The following SATB2 variants were observed in gnomAD, a reference collection of about 807,000 sequenced individuals.
SATB2 encodes SATB homeobox 2.
In SATB2, 1 loss-of-function variant was observed where a neutral mutation model predicts 73.4. The ratio of observed to expected loss-of-function variants is 0.01; its 90% CI spans 0.00 to 0.06. The LOEUF is 0.06. Ranked by LOEUF, SATB2 falls within the 10% of genes least tolerant of loss-of-function variation. The pLI, the probability that SATB2 is intolerant of heterozygous loss-of-function variation, is 1.00. For synonymous variants in SATB2, 397 were observed against 367.0 expected (o/e 1.08, Z -0.93); for missense variants, 459 against 945.8 (o/e 0.49, Z 6.75).
chr2:199,339,834 G>C (rs1043378655), intron 7 of SATB2, among the ~76,000 whole-genome samples: 4 of 152,176 alleles, frequency 2.6e-5, no homozygotes, highest in Non-Finnish European at 5.9e-5. Context: ...TAAAAGAGAA[G>C]TTTCTACTCC....
chr2:199,285,006 G>T (rs1273557189), intron 10 of SATB2, among the ~76,000 whole-genome samples: 1 of 152,064 alleles, frequency 6.6e-6, no homozygotes, highest in African/African-American at 2.4e-5. Flanking sequence ...CATGAATTTT[G>T]TTATCTGCAA....
intron 3 of SATB2, among the ~76,000 whole-genome samples, chr2:199,429,744 T>C (rs1691443745): frequency 6.6e-6 from 1 of 152,002 alleles, no homozygotes; most frequent in South Asian, 2.1e-4. Context: ...ACCCCATCTT[T>C]ACTAAAAATA....
At chr2:199,294,943 T>C (rs1692984117) in intron 10 of SATB2, among the ~76,000 whole-genome samples, 1 of 152,202 alleles carries the variant, frequency 6.6e-6, no homozygotes, top group Non-Finnish European at 1.5e-5. Context: ...GAGTTTATCA[T>C]ATCTAAAAAA....
intron 7 of SATB2, among the ~76,000 whole-genome samples, chr2:199,344,566 T>C (rs1204849573): frequency 6.6e-6 from 1 of 152,096 alleles, no homozygotes; most frequent in African/African-American, 2.4e-5. Context: ...GAACAAGAGA[T>C]TTTTACCTCT....
intron 9 of SATB2, among the ~76,000 whole-genome samples, chr2:199,321,025 C>T (rs963373685): frequency 6.6e-6 from 1 of 151,946 alleles, no homozygotes; most frequent in South Asian, 2.1e-4. Flanking sequence ...AAGGGAAAGC[C>T]CTTGCATTTG....
At chr2:199,376,527 T>C (rs950066253) in intron 5 of SATB2, among the ~76,000 whole-genome samples, 2 of 152,144 alleles carry the variant, frequency 1.3e-5, no homozygotes, top group East Asian at 3.9e-4. Context: ...TAGTGGGTAA[T>C]GGACGGGGAT....
At chr2:199,466,016 C>T (rs565664122), upstream of SATB2, among the ~76,000 whole-genome samples, 6 of 152,350 alleles carry the variant, frequency 3.9e-5, no homozygotes, top group African/African-American at 7.2e-5. Context: ...GACAACTTTT[C>T]CTTTCCACTT....
upstream of SATB2, among the ~76,000 whole-genome samples, chr2:199,469,286 T>C (rs1482903188): frequency 6.6e-6 from 1 of 152,118 alleles, no homozygotes; most frequent in Non-Finnish European, 1.5e-5. Context: ...GCCGCAGAAT[T>C]ACCTGCTCAA....
At chr2:199,348,453 T>C in intron 7 of SATB2, 1 of 505,598 alleles carries the variant, frequency 2.0e-6, no homozygotes, top group South Asian at 2.1e-5. Context: ...TTAGTAACAT[T>C]TGGGGTCCTG....
intron 3 of SATB2, among the ~76,000 whole-genome samples, chr2:199,424,870 G>A (rs1191758872): frequency 6.6e-6 from 1 of 152,114 alleles, no homozygotes; most frequent in Non-Finnish European, 1.5e-5. Context: ...TATATCAATG[G>A]ACAAGTTTAA....
intron 2 of SATB2, among the ~76,000 whole-genome samples, chr2:199,451,091 AACACACAC>A (rs56071011): frequency 3.2e-4 from 44 of 139,292 alleles, no homozygotes; most frequent in African/African-American, 4.8e-4. Context: ...ATGTAGTTCC[AACACACAC>A]ACACACACAC....
chr2:199,385,464 C>T (rs879735092), intron 3 of SATB2, among the ~76,000 whole-genome samples: 8 of 152,212 alleles, frequency 5.3e-5, no homozygotes, highest in African/African-American at 9.6e-5. Flanking sequence ...CAAACAAAAA[C>T]ACTATGACAA....
intron 10 of SATB2, among the ~76,000 whole-genome samples, chr2:199,302,975 C>T (rs770600693): frequency 5.3e-5 from 8 of 152,168 alleles, no homozygotes; most frequent in Non-Finnish European, 1.0e-4. Context: ...GGTTTCAGTG[C>T]ATTAGGTGTT....
intron 7 of SATB2, chr2:199,329,256 C>G (rs779432961): frequency 4.3e-5 from 13 of 302,174 alleles, no homozygotes; most frequent in Non-Finnish European, 7.1e-5. Flanking sequence ...AGAACTCTCT[C>G]TGCTTGAAAC....
Position 199,456,057 on chromosome 2 carries a change from A to G in SATB2, c.-20T>C. The G allele has an allele frequency of 6.5e-7, 1 of 1,542,604 alleles. No homozygotes were observed. On this transcript the variant is annotated 5_prime_UTR_variant, in exon 2 of 11. Coordinates refer to ENST00000417098, the MANE Select transcript of SATB2 (RefSeq NM_001172509.2). Reference sequence around the variant, plus strand: ...CTCCATGCTGCTCCGACTCGGAGACAAAGTTCCCACCGGCAGGTCGCAATA... The same window carrying G: ...CTCCATGCTGCTCCGACTCGGAGACGAAGTTCCCACCGGCAGGTCGCAATA...
At chr2:199,382,590 T>C (rs911720446) in intron 3 of SATB2, among the ~76,000 whole-genome samples, 1 of 152,196 alleles carries the variant, frequency 6.6e-6, no homozygotes, top group Non-Finnish European at 1.5e-5. Flanking sequence ...AATACCCTTG[T>C]TAGAGGAAGA....
rs1470697324 is a variant in SATB2, at chr2:199,436,085, G to T, written c.170-2571C>A. Among the ~76,000 whole-genome samples the T allele has an allele frequency of 4.6e-5, 7 of 152,084 alleles. No individual in the cohort carries two copies. In the East Asian group the frequency reaches 1.2e-3, roughly 25 times the overall value. On this transcript the variant is annotated intron_variant, in intron 2 of 10. Coordinates refer to ENST00000417098, the MANE Select transcript of SATB2 (RefSeq NM_001172509.2). ...CAACATCTGAGTGTCACACATCTGGGAATCAAAGATAAGATCTTTAAATGA... is the reference window on the plus strand; with the variant it reads ...CAACATCTGAGTGTCACACATCTGGTAATCAAAGATAAGATCTTTAAATGA...
At chr2:199,429,379 G>A in intron 3 of SATB2, among the ~76,000 whole-genome samples, 1 of 151,978 alleles carries the variant, frequency 6.6e-6, no homozygotes. Flanking sequence ...CATATATGTG[G>A]AATTTTATAT....
At chr2:199,388,120 CAT>C (rs1426831440) in intron 3 of SATB2, among the ~76,000 whole-genome samples, 1 of 152,162 alleles carries the variant, frequency 6.6e-6, no homozygotes, top group Non-Finnish European at 1.5e-5. Flanking sequence ...GAAAGTCAAT[CAT>C]GTCTGAGGAT....
Sources: gnomAD v4.1 joint callset for allele counts (sites outside exome capture counted in the v4.1 genomes callset) on GRCh38, gnomAD v4.1.1 for gene constraint, MANE v1.5 for transcripts, NCBI Gene and HGNC (gene_info 2026-07-23, HGNC 2026-07-21) for gene names.